TNC: variants seen among roughly 807,000 people sequenced by gnomAD.
TNC encodes the protein tenascin.
In TNC, 109 loss-of-function variants were observed where a neutral mutation model predicts 202.4. The observed-to-expected ratio is 0.54, with a 90% CI of 0.46 to 0.63. TNC has a LOEUF of 0.63. Among genes scored for constraint, TNC ranks in the 30% least tolerant of loss-of-function variants. The pLI is 0.00. For synonymous variants in TNC, 1,007 were observed against 1,089.7 expected (o/e 0.92, Z 1.50); for missense variants, 2,756 against 2,833.3 (o/e 0.97, Z 0.62).
chr9:115,023,265 C>T (rs1434382786), intron 27 of TNC, among the ~76,000 whole-genome samples: 1 of 152,134 alleles, frequency 6.6e-6, no homozygotes, highest in Non-Finnish European at 1.5e-5. Context: ...GTGGAGGGAC[C>T]TGGGCAGGGG....
chr9:115,099,869 G>A (rs967030568), intron 1 of TNC, among the ~76,000 whole-genome samples: 9 of 152,172 alleles, frequency 5.9e-5, no homozygotes, highest in Non-Finnish European at 1.2e-4. Context: ...CCATGGAAAT[G>A]TATAAATCTT....
chr9:115,033,545 C>A (rs1352581666), intron 22 of TNC, among the ~76,000 whole-genome samples: 1 of 152,156 alleles, frequency 6.6e-6, no homozygotes, highest in African/African-American at 2.4e-5. Context: ...CCAAGGCATT[C>A]ATTTTACAGA....
At position 115,059,738 on chromosome 9, in the gene TNC, G is replaced by C. The variant is rs771324546; in HGVS notation, c.4298C>G (p.Ala1433Gly). Residue 1433 changes from alanine to glycine, a missense_variant, in exon 14 of 28, where the codon GCC becomes GGC. This residue lies in a region of TNC where 2,559 missense variants were observed against 2,546.0 expected (regional missense o/e 1.01). Coordinates refer to ENST00000350763, the MANE Select transcript of TNC (RefSeq NM_002160.4). Reference sequence around the variant, plus strand: ...ACAGGGAGAGGAAGTACCTGTGGAGGCCTCAGCAGAGAGTACTGGTGTTCT... The same window carrying C: ...ACAGGGAGAGGAAGTACCTGTGGAGCCCTCAGCAGAGAGTACTGGTGTTCT... ...GYRTPVLSAE[A>G]STAKEPEIGN... The C allele has an allele frequency of 6.3e-7, 1 of 1,593,436 alleles. No homozygotes were observed. The highest frequency in any genetic ancestry group is 8.6e-7 in the Non-Finnish European group (1 of 1,167,592).
chr9:115,072,233 C>T (rs1411036981), intron 10 of TNC, among the ~76,000 whole-genome samples: 2 of 152,170 alleles, frequency 1.3e-5, no homozygotes, highest in East Asian at 1.9e-4. Context: ...TTCTTCCTCC[C>T]TTATGCTGCC....
intron 27 of TNC, among the ~76,000 whole-genome samples, 184 bp downstream of exon 27, chr9:115,023,789 G>A (rs1218957875): frequency 1.3e-5 from 2 of 152,208 alleles, no homozygotes; most frequent in Admixed American, 6.5e-5. Context: ...AACCTGTGCT[G>A]TTTCTATTTT....
chr9:115,036,367 T>A, intron 20 of TNC, 126 bp from the exon 21 acceptor site: 3 of 1,048,138 alleles, frequency 2.9e-6, no homozygotes, highest in Non-Finnish European at 4.2e-6. Context: ...GAAAAGCAGG[T>A]CTGATTTCTG....
At chr9:115,057,937 A>G (rs1200661221) in intron 14 of TNC, among the ~76,000 whole-genome samples, 1 of 152,276 alleles carries the variant, frequency 6.6e-6, no homozygotes, top group African/African-American at 2.4e-5. Flanking sequence ...CCAAGGTGGT[A>G]ACTTGAGGCT....
chr9:115,037,319 C>T (rs1830405927), intron 20 of TNC, among the ~76,000 whole-genome samples: 1 of 152,080 alleles, frequency 6.6e-6, no homozygotes, highest in Admixed American at 6.5e-5. Flanking sequence ...TGAAATTACA[C>T]AATTATTTCT....
chr9:115,070,963 T>A (rs987454590), intron 10 of TNC, among the ~76,000 whole-genome samples: 1 of 152,222 alleles, frequency 6.6e-6, no homozygotes, highest in African/African-American at 2.4e-5. Flanking sequence ...ATTGTAAGCC[T>A]TTCCTGATTC....
At chr9:115,079,541 C>T (rs535930142) in intron 6 of TNC, among the ~76,000 whole-genome samples, 270 of 152,278 alleles carry the variant, frequency 1.8e-3, no homozygotes, top group Non-Finnish European at 3.1e-3. Flanking sequence ...GTTGGGTTTC[C>T]GTCAAGGACA....
intron 22 of TNC, 47 bp downstream of exon 22, chr9:115,035,157 G>A: frequency 6.5e-7 from 1 of 1,539,058 alleles, no homozygotes; most frequent in Non-Finnish European, 8.8e-7. Context: ...TGAAGATCAT[G>A]CAAATGCTTC....
intron 2 of TNC, among the ~76,000 whole-genome samples, chr9:115,089,590 C>T (rs1361979284): frequency 6.6e-6 from 1 of 151,966 alleles, no homozygotes; most frequent in Non-Finnish European, 1.5e-5. Flanking sequence ...AACCTCTGCC[C>T]CTCGGTTTCA....
rs143516797 is a variant in TNC, at chr9:115,062,943, C to T, written c.4007G>A (p.Arg1336Gln). The T allele has an allele frequency of 5.9e-5, 95 of 1,613,836 alleles. No individual in the cohort carries two copies. Among genetic ancestry groups the T allele is most frequent in the African/African-American group, 1.7e-4 (13 of 75,000 alleles). Residue 1336 changes from arginine (R) to glutamine (Q), a missense_variant, in exon 13 of 28, where the codon CGA (arginine) becomes CAA (glutamine). Arg to Gln is a conservative substitution (Grantham distance 43). Coordinates refer to ENST00000350763, the MANE Select transcript of TNC (RefSeq NM_002160.4). ...LHGEVRGHST[R>Q]PLAVEVVTED... Reference sequence around the variant, plus strand: ...TGTGACGACCTCTACAGCAAGGGGTCGAGTGCTGTGGCCCCTGACCTCGCC... The same window carrying T: ...TGTGACGACCTCTACAGCAAGGGGTTGAGTGCTGTGGCCCCTGACCTCGCC...
intron 18 of TNC, among the ~76,000 whole-genome samples, chr9:115,041,402 T>C (rs1044653662): frequency 6.6e-6 from 1 of 152,026 alleles, no homozygotes; most frequent in Non-Finnish European, 1.5e-5. Context: ...TTATTATTTT[T>C]CCCCACAAAC....
intron 4 of TNC, 31 bp from the exon 5 acceptor site, chr9:115,082,838 G>A (rs889902248): frequency 6.6e-7 from 1 of 1,510,254 alleles, no homozygotes; most frequent in Non-Finnish European, 9.2e-7. Flanking sequence ...AGAACGTAAG[G>A]ATAGGGCAGG....
chr9:115,083,677 C>T (rs1364877677), intron 4 of TNC, among the ~76,000 whole-genome samples: 1 of 148,982 alleles, frequency 6.7e-6, no homozygotes, highest in African/African-American at 2.5e-5. Flanking sequence ...ATGATCTCAG[C>T]TCACTACAAA....
At chr9:115,117,378 A>T (rs1196111346) in intron 1 of TNC, among the ~76,000 whole-genome samples, 2 of 152,098 alleles carry the variant, frequency 1.3e-5, no homozygotes, top group African/African-American at 4.8e-5. Context: ...GCTGTTCTCC[A>T]CCACTCTCTA....
At position 115,091,162 on chromosome 9, in the gene TNC, C is replaced by A; in HGVS notation, c.-136-8G>T. 2 of 648,972 alleles carry A rather than the reference C, an allele frequency of 3.1e-6. No homozygotes were observed. The allele number at this position is 648,972 out of a possible 1,614,324, so 40.2% of individuals were successfully genotyped here. A position where few individuals can be genotyped will look rare whatever the true frequency, so the allele number is the denominator to read the frequency against. On this transcript the variant is annotated splice_polypyrimidine_tract_variant and splice_region_variant and intron_variant, in intron 1 of 27. Transcript: ENST00000350763. ...TCTTGAAAGAATTATTTTCTACAAG[C>A]AAAGATGAACAAAAAAATTATGAGT...
chr9:115,039,709 A>G (rs931960393), intron 19 of TNC, among the ~76,000 whole-genome samples: 1 of 152,238 alleles, frequency 6.6e-6, no homozygotes, highest in African/African-American at 2.4e-5. Flanking sequence ...TGGCAGGGCA[A>G]CTGGGGAGCC....
Sources: gnomAD v4.1 joint callset for allele counts (sites outside exome capture counted in the v4.1 genomes callset) on GRCh38, gnomAD v4.1.1 for gene constraint, gnomAD v4.1.1 regional missense constraint, MANE v1.5 for transcripts, NCBI Gene and HGNC (gene_info 2026-07-23, HGNC 2026-07-21) for gene names.